The following PAPPA variants were observed in gnomAD, a reference collection of about 807,000 sequenced individuals.
PAPPA encodes pappalysin 1.
PAPPA carries 60 observed loss-of-function variants against 164.0 expected under a neutral mutation model. That is an observed-to-expected ratio of 0.37 (90% confidence interval 0.30 to 0.45). The LOEUF (loss-of-function observed/expected upper bound fraction) is 0.45. PAPPA is among the 20% of genes least tolerant of loss of function. The pLI, the probability that PAPPA is intolerant of heterozygous loss-of-function variation, is 1.00. For synonymous variants in PAPPA, 875 were observed against 814.1 expected (o/e 1.07, Z -1.27); for missense variants, 1,782 against 2,087.3 (o/e 0.85, Z 2.85).
intron 9 of PAPPA, among the ~76,000 whole-genome samples, chr9:116,296,922 T>A (rs1206718486): frequency 6.6e-6 from 1 of 152,116 alleles, no homozygotes; most frequent in East Asian, 1.9e-4. Context: ...TGGCGTGATC[T>A]CAGCTCACTG....
At chr9:116,324,312 C>T (rs1486871696) in intron 10 of PAPPA, among the ~76,000 whole-genome samples, 2 of 152,130 alleles carry the variant, frequency 1.3e-5, no homozygotes, top group Non-Finnish European at 2.9e-5. Flanking sequence ...AAATGCATAT[C>T]ATTGTAATAC....
Position 116,188,092 on chromosome 9 carries a change from C to T in PAPPA, c.1354C>T (p.Gln452Ter). 6.2e-7 allele frequency: 1 copy of T among 1,614,208 alleles called. No individual in the cohort carries two copies. The highest frequency in any genetic ancestry group is 8.5e-7 in the Non-Finnish European group (1 of 1,180,018). Residue 452 changes from glutamine (Q) to a stop codon, truncating the protein, a stop_gained, in exon 2 of 22, where the codon CAG becomes TAG. Coordinates refer to ENST00000328252, the MANE Select transcript of PAPPA (RefSeq NM_002581.5). LOFTEE classifies it high-confidence loss of function. ...GCGCCACCCTGCCTTCGTGAAGAAG[C>T]AGCACAACGGGGTGTGTGACATGGA... is the stretch of plus-strand genomic sequence containing the variant. ...HLRHPAFVKK[Q>*]HNGVCDMDCN...
At chr9:116,344,163 T>A (rs7863864) in intron 13 of PAPPA, among the ~76,000 whole-genome samples, 92,659 of 152,042 alleles carry the variant, frequency 0.61, 30,191 homozygotes, top group Middle Eastern at 0.72. Flanking sequence ...TGTAAGTGGG[T>A]ACTCACAAAA....
intron 13 of PAPPA, among the ~76,000 whole-genome samples, chr9:116,343,662 C>T (rs1846166749): frequency 6.6e-6 from 1 of 152,178 alleles, no homozygotes; most frequent in African/African-American, 2.4e-5. Context: ...TAAGAGTATA[C>T]CGAAGCTCAG....
intron 13 of PAPPA, among the ~76,000 whole-genome samples, chr9:116,340,069 C>G (rs1176096811): frequency 1.3e-5 from 2 of 152,234 alleles, no homozygotes; most frequent in Non-Finnish European, 2.9e-5. Flanking sequence ...GAATTACCTG[C>G]ATTCTTTCCC....
At chr9:116,382,544 T>C (rs1203002866) in intron 21 of PAPPA, 51 bp downstream of exon 21, 1 of 1,103,630 alleles carries the variant, frequency 9.1e-7, no homozygotes, top group South Asian at 1.2e-5. Flanking sequence ...CTTCTCCAGC[T>C]TGTGGGGCCA....
intron 2 of PAPPA, among the ~76,000 whole-genome samples, chr9:116,191,176 T>C (rs764225399): frequency 6.6e-6 from 1 of 152,192 alleles, no homozygotes; most frequent in Non-Finnish European, 1.5e-5. Context: ...AAGCCATGGC[T>C]GTGACTACAG....
At chr9:116,304,684 G>T (rs1399016713) in intron 10 of PAPPA, among the ~76,000 whole-genome samples, 1 of 151,988 alleles carries the variant, frequency 6.6e-6, no homozygotes, top group Non-Finnish European at 1.5e-5. Flanking sequence ...TTGTAAGGGG[G>T]GGCTGTCAGG....
intron 9 of PAPPA, among the ~76,000 whole-genome samples, chr9:116,274,568 G>T (rs1429889000): frequency 6.6e-6 from 1 of 152,226 alleles, no homozygotes; most frequent in African/African-American, 2.4e-5. Flanking sequence ...ACAGTCAGGA[G>T]ATCAGGCATA....
intron 19 of PAPPA, among the ~76,000 whole-genome samples, chr9:116,370,857 C>T (rs1846563614): frequency 1.3e-5 from 2 of 152,218 alleles, no homozygotes; most frequent in Admixed American, 1.3e-4. Flanking sequence ...TATTAGTTAC[C>T]ATAGTACCTC....
intron 5 of PAPPA, among the ~76,000 whole-genome samples, chr9:116,226,470 A>G (rs1166037059): frequency 2.0e-5 from 3 of 152,358 alleles, no homozygotes; most frequent in Middle Eastern, 3.4e-3. Flanking sequence ...AAGTTCTTCC[A>G]GGAATGATGA....
intron 8 of PAPPA, among the ~76,000 whole-genome samples, chr9:116,268,722 T>TA (rs1183236945): frequency 6.6e-6 from 1 of 151,958 alleles, no homozygotes; most frequent in Admixed American, 6.6e-5. Flanking sequence ...TTAGTATTTT[T>TA]ACCTAGAATT....
intron 9 of PAPPA, among the ~76,000 whole-genome samples, chr9:116,297,066 G>A (rs1845518714): frequency 6.6e-6 from 1 of 151,994 alleles, no homozygotes; most frequent in African/African-American, 2.4e-5. Flanking sequence ...TGTTAGCCAG[G>A]CTGGTCTTGA....
chr9:116,257,470 G>A (rs555651864), intron 7 of PAPPA, among the ~76,000 whole-genome samples: 2 of 152,096 alleles, frequency 1.3e-5, no homozygotes, highest in African/African-American at 4.8e-5. Context: ...GGAGGCCAAG[G>A]CGGGTGGATC....
At chr9:116,385,766 C>T (rs1846802588) in intron 21 of PAPPA, among the ~76,000 whole-genome samples, 2 of 152,234 alleles carry the variant, frequency 1.3e-5, no homozygotes, top group South Asian at 4.1e-4. Context: ...GGCCAAGCTG[C>T]CTTCATCCAA....
chr9:116,344,927 G>A (rs764045671), intron 14 of PAPPA, among the ~76,000 whole-genome samples: 4 of 152,256 alleles, frequency 2.6e-5, no homozygotes, highest in Non-Finnish European at 5.9e-5. Context: ...CCTGTGCAGA[G>A]TAGTGTTCCA....
At chr9:116,256,771 T>G (rs2118792159) in intron 7 of PAPPA, among the ~76,000 whole-genome samples, 1 of 152,100 alleles carries the variant, frequency 6.6e-6, no homozygotes, top group African/African-American at 2.4e-5. Context: ...CACATTTTTC[T>G]CAATAATTTA....
intron 14 of PAPPA, among the ~76,000 whole-genome samples, chr9:116,346,285 C>T (rs559106961): frequency 4.7e-4 from 71 of 152,302 alleles, no homozygotes; most frequent in African/African-American, 1.6e-3. Context: ...GCTCCACCAT[C>T]GTGTAGTTTG....
At chr9:116,343,388 T>G (rs2418444) in intron 13 of PAPPA, among the ~76,000 whole-genome samples, 116,544 of 152,054 alleles carry the variant, frequency 0.77, 45,770 homozygotes, top group East Asian at 0.99. Context: ...AACAGCATTA[T>G]AGAAAGAAGG....
Sources: allele counts gnomAD v4.1 joint callset (sites outside exome capture counted in the v4.1 genomes callset), GRCh38; gene constraint gnomAD v4.1.1; transcripts MANE v1.5; gene names NCBI Gene and HGNC (gene_info 2026-07-23, HGNC 2026-07-21).